The following CAPZB variants were observed in gnomAD, a reference collection of about 807,000 sequenced individuals.
CAPZB encodes the protein F-actin-capping protein subunit beta.
Under a neutral mutation model 38.1 loss-of-function variants are expected in CAPZB, and 2 were observed. That is an observed-to-expected ratio of 0.05 (90% confidence interval 0.02 to 0.17). The LOEUF is 0.17. CAPZB is among the 10% of genes least tolerant of loss of function. CAPZB has a pLI of 1.00. For synonymous variants in CAPZB, 107 were observed against 127.4 expected, an observed-to-expected ratio of 0.84 and a Z score of 1.08; for missense variants, 161 against 334.2, an observed-to-expected ratio of 0.48 and a Z score of 4.04.
intron 2 of CAPZB, among the ~76,000 whole-genome samples, chr1:19,406,563 G>C (rs75815627): frequency 7.6e-4 from 116 of 152,254 alleles, no homozygotes; most frequent in African/African-American, 2.7e-3. Context: ...GCTACTCCTG[G>C]GGCAGCTTTG....
chr1:19,427,088 G>T (rs577186847), intron 1 of CAPZB, among the ~76,000 whole-genome samples: 1 of 152,186 alleles, frequency 6.6e-6, no homozygotes, highest in African/African-American at 2.4e-5. Flanking sequence ...TCCTAGCTGG[G>T]GCCAACTGCT....
intron 2 of CAPZB, among the ~76,000 whole-genome samples, chr1:19,401,209 G>GAA (rs71577891): frequency 3.3e-4 from 47 of 143,914 alleles, no homozygotes; most frequent in Admixed American, 7.6e-4. Context: ...AACCAAAAAG[G>GAA]AAAAAAAAAA....
intron 1 of CAPZB, among the ~76,000 whole-genome samples, chr1:19,464,841 C>T (rs1045847499): frequency 2.6e-5 from 4 of 151,970 alleles, no homozygotes; most frequent in Non-Finnish European, 4.4e-5. Flanking sequence ...AAGGCAAAAC[C>T]GCGGTGACAA....
At chr1:19,391,155 T>G (rs2094232297) in intron 2 of CAPZB, among the ~76,000 whole-genome samples, 1 of 152,114 alleles carries the variant, frequency 6.6e-6, no homozygotes, top group African/African-American at 2.4e-5. Context: ...CAAGTGAGGT[T>G]CGTGTTTGTG....
At chr1:19,459,720 A>G (rs975899204) in intron 1 of CAPZB, among the ~76,000 whole-genome samples, 3 of 152,220 alleles carry the variant, frequency 2.0e-5, no homozygotes, top group African/African-American at 7.2e-5. Context: ...AATTACCCAC[A>G]GTCAACAGTG....
At chr1:19,467,366 G>A (rs2094572379) in intron 1 of CAPZB, among the ~76,000 whole-genome samples, 1 of 152,150 alleles carries the variant, frequency 6.6e-6, no homozygotes, top group South Asian at 2.1e-4. Flanking sequence ...GGAGAAGGGA[G>A]GCAAAGAGAG....
chr1:19,391,333 A>G (rs1011351127), intron 2 of CAPZB, among the ~76,000 whole-genome samples: 1 of 152,200 alleles, frequency 6.6e-6, no homozygotes, highest in African/African-American at 2.4e-5. Flanking sequence ...GTCTTTAAGA[A>G]GTGCACCCTT....
chr1:19,422,441 A>G (rs2094404912), intron 1 of CAPZB, among the ~76,000 whole-genome samples: 1 of 152,198 alleles, frequency 6.6e-6, no homozygotes, highest in Admixed American at 6.5e-5. Flanking sequence ...AAGACTGCAC[A>G]TGCAGGCAAA....
intron 1 of CAPZB, among the ~76,000 whole-genome samples, chr1:19,458,520 A>C (rs1417604001): frequency 6.6e-6 from 1 of 152,096 alleles, no homozygotes; most frequent in African/African-American, 2.4e-5. Flanking sequence ...AAGCCTGGCT[A>C]ATTTTTTGTA....
At chr1:19,373,177 G>A (rs567374710) in intron 4 of CAPZB, among the ~76,000 whole-genome samples, 12 of 152,236 alleles carry the variant, frequency 7.9e-5, no homozygotes, top group African/African-American at 2.9e-4. Flanking sequence ...CCCAGCAGAG[G>A]CAGGGCAAGC....
At chr1:19,449,135 C>T (rs777762401) in intron 1 of CAPZB, 33 of 1,397,512 alleles carry the variant, frequency 2.4e-5, no homozygotes, top group Admixed American at 2.9e-5. Context: ...AACTCCTGAC[C>T]GTAGAGTCTC....
At chr1:19,447,427 G>T (rs1168911861) in intron 1 of CAPZB, among the ~76,000 whole-genome samples, 5 of 141,216 alleles carry the variant, frequency 3.5e-5, no homozygotes, top group African/African-American at 1.1e-4. Context: ...TAGAGATGGG[G>T]TTTCACCATG....
At chr1:19,418,136 CAAAAAAAAAA>C (rs59390448) in intron 2 of CAPZB, among the ~76,000 whole-genome samples, 6 of 35,298 alleles carry the variant, frequency 1.7e-4, no homozygotes, top group Admixed American at 8.9e-4. Context: ...ACTCTGTCAC[CAAAAAAAAAA>C]AAAAAAAAAA....
chr1:19,451,672 G>A (rs2094516548), intron 1 of CAPZB, among the ~76,000 whole-genome samples: 2 of 151,996 alleles, frequency 1.3e-5, no homozygotes, highest in Admixed American at 6.6e-5. Context: ...GCTACTCAGA[G>A]ACAAGGCTAG....
At chr1:19,406,164 G>A (rs549755690) in intron 2 of CAPZB, among the ~76,000 whole-genome samples, 1 of 152,338 alleles carries the variant, frequency 6.6e-6, no homozygotes, top group Non-Finnish European at 1.5e-5. Flanking sequence ...AGAAGTGTCC[G>A]GCCCAGTGAG....
At chr1:19,397,691 C>A (rs142442618) in intron 2 of CAPZB, among the ~76,000 whole-genome samples, 4 of 152,334 alleles carry the variant, frequency 2.6e-5, no homozygotes, top group Non-Finnish European at 5.9e-5. Context: ...GCATCCATTT[C>A]ATCATCACTG....
At chr1:19,453,453 G>A (rs1352857422) in intron 1 of CAPZB, among the ~76,000 whole-genome samples, 6 of 151,626 alleles carry the variant, frequency 4.0e-5, no homozygotes, top group African/African-American at 9.7e-5. Context: ...TAGAGACGGC[G>A]TTTCACCATG....
At chr1:19,451,269 G>A (rs566027787) in intron 1 of CAPZB, among the ~76,000 whole-genome samples, 61 of 152,320 alleles carry the variant, frequency 4.0e-4, no homozygotes, top group Admixed American at 7.2e-4. Flanking sequence ...AACCCACCAT[G>A]GGTCTGGGGA....
intron 1 of CAPZB, among the ~76,000 whole-genome samples, chr1:19,476,938 G>T (rs952810877): frequency 6.6e-6 from 1 of 152,224 alleles, no homozygotes; most frequent in African/African-American, 2.4e-5. Flanking sequence ...CCATCAGCAT[G>T]CGCTGAGTGC....
Sources: gnomAD v4.1 joint callset for allele counts (sites outside exome capture counted in the v4.1 genomes callset) on GRCh38, gnomAD v4.1.1 for gene constraint, MANE v1.5 for transcripts, NCBI Gene and HGNC (gene_info 2026-07-23, HGNC 2026-07-21) for gene names.